Variants in TPD52 observed in about 807,000 individuals in gnomAD.
TPD52 encodes the protein prostate and colon associated protein.
A neutral mutation model predicts 31.3 loss-of-function variants in TPD52; 17 were observed. The observed-to-expected ratio is 0.54, with a 90% confidence interval of 0.37 to 0.82. The LOEUF is 0.82. TPD52 is among the 40% of genes least tolerant of loss of function. The pLI is 0.00. For synonymous variants in TPD52, 83 were observed against 89.6 expected (o/e 0.93, Z 0.42); for missense variants, 212 against 240.1 (o/e 0.88, Z 0.77).
At position 80,127,876 on chromosome 8, in the gene TPD52, A is replaced by C. The variant is rs532298020; in HGVS notation, c.19+43549T>G. ...AAAAAATATAAAGGTAAATACTAAA[A>C]CATTATAGTGGTTCTCTCTCAAAAA... On this transcript the variant is annotated intron_variant, in intron 1 of 7. Transcript: ENST00000518937. 2.6e-5 allele frequency among the ~76,000 whole-genome samples: 4 copies of C among 151,820 alleles called. No homozygotes were observed. The South Asian group carries it at 8.3e-4, about 32-fold the overall frequency.
intron 1 of TPD52, among the ~76,000 whole-genome samples, chr8:80,140,950 CG>C (rs1006749497): frequency 1.4e-5 from 2 of 143,676 alleles, no homozygotes; most frequent in African/African-American, 5.2e-5. Context: ...CAATACAACT[CG>C]TGTGTGTGTG....
intron 7 of TPD52, among the ~76,000 whole-genome samples, chr8:80,039,746 G>A (rs573662377): frequency 6.6e-6 from 1 of 151,742 alleles, no homozygotes; most frequent in Non-Finnish European, 1.5e-5. Flanking sequence ...GTTCTTGGTG[G>A]TCCTCAAAAG....
chr8:80,065,221 A>G (rs1812985551), intron 1 of TPD52, among the ~76,000 whole-genome samples: 1 of 151,464 alleles, frequency 6.6e-6, no homozygotes, highest in South Asian at 2.1e-4. Context: ...TCCTGGCTTC[A>G]AGCCATCATA....
At chr8:80,068,718 A>T (rs530431543) in intron 1 of TPD52, among the ~76,000 whole-genome samples, 3 of 152,272 alleles carry the variant, frequency 2.0e-5, no homozygotes, top group African/African-American at 7.2e-5. Flanking sequence ...TCTGGAGTCC[A>T]CTGGCAGGGC....
intron 1 of TPD52, among the ~76,000 whole-genome samples, chr8:80,161,156 T>C (rs552214108): frequency 6.6e-6 from 1 of 152,338 alleles, no homozygotes; most frequent in East Asian, 1.9e-4. Context: ...TTGAGCACTA[T>C]ATCCAATATC....
chr8:80,071,951 A>G (rs1813850251), intron 1 of TPD52, among the ~76,000 whole-genome samples: 1 of 152,092 alleles, frequency 6.6e-6, no homozygotes, highest in Non-Finnish European at 1.5e-5. Flanking sequence ...TGCCCTCACC[A>G]GCACAACACT....
chr8:80,072,876 G>A (rs2130771347), intron 1 of TPD52, among the ~76,000 whole-genome samples: 1 of 151,836 alleles, frequency 6.6e-6, no homozygotes, highest in Middle Eastern at 3.4e-3. Flanking sequence ...GCCGAGGCAG[G>A]TGGATCACTT....
intron 1 of TPD52, among the ~76,000 whole-genome samples, chr8:80,139,443 T>G (rs1809669094): frequency 6.6e-6 from 1 of 152,192 alleles, no homozygotes; most frequent in Admixed American, 6.5e-5. Context: ...AGTTTCAGAC[T>G]TGCAAACTTT....
At chr8:80,068,723 C>T (rs1294979967) in intron 1 of TPD52, among the ~76,000 whole-genome samples, 1 of 152,136 alleles carries the variant, frequency 6.6e-6, no homozygotes, top group Non-Finnish European at 1.5e-5. Context: ...AGTCCACTGG[C>T]AGGGCAATGC....
chr8:80,051,002 GAA>G (rs201164661), intron 4 of TPD52, among the ~76,000 whole-genome samples: 7 of 119,368 alleles, frequency 5.9e-5, no homozygotes, highest in East Asian at 2.4e-4. Context: ...TAATCTAAAT[GAA>G]AAAAAAAAAA....
At chr8:80,056,947 T>C (rs1253400293) in intron 2 of TPD52, among the ~76,000 whole-genome samples, 1 of 152,106 alleles carries the variant, frequency 6.6e-6, no homozygotes, top group Admixed American at 6.6e-5. Flanking sequence ...GGTGGACAGA[T>C]CACTTGAGGT....
intron 1 of TPD52, among the ~76,000 whole-genome samples, chr8:80,140,158 G>C (rs1041438928): frequency 1.3e-5 from 2 of 152,186 alleles, no homozygotes; most frequent in African/African-American, 4.8e-5. Context: ...TGGTGAGAAC[G>C]TGAGACCTCA....
intron 1 of TPD52, among the ~76,000 whole-genome samples, chr8:80,087,870 C>A (rs1815941794): frequency 6.6e-6 from 1 of 152,130 alleles, no homozygotes; most frequent in Non-Finnish European, 1.5e-5. Context: ...CGACACTGTG[C>A]CACAATAAAC....
intron 7 of TPD52, among the ~76,000 whole-genome samples, chr8:80,038,832 A>G (rs771800136): frequency 1.3e-5 from 2 of 152,200 alleles, no homozygotes; most frequent in African/African-American, 2.4e-5. Context: ...AAAATCCCTG[A>G]GTTGTTCATG....
chr8:80,160,892 A>AAAAAAAAAC (rs1811312633), intron 1 of TPD52, among the ~76,000 whole-genome samples: 1 of 50,788 alleles, frequency 2.0e-5, no homozygotes, highest in Non-Finnish European at 4.1e-5. Context: ...AAAAATACAA[A>AAAAAAAAAC]AAAAAAAAAA....
intron 1 of TPD52, among the ~76,000 whole-genome samples, chr8:80,107,041 C>T (rs944649097): frequency 4.0e-5 from 6 of 151,836 alleles, no homozygotes; most frequent in East Asian, 1.9e-4. Flanking sequence ...TTAGTAGATA[C>T]GGGGTTTCAC....
At chr8:80,094,299 T>C (rs898380624) in intron 1 of TPD52, among the ~76,000 whole-genome samples, 1 of 151,308 alleles carries the variant, frequency 6.6e-6, no homozygotes, top group African/African-American at 2.4e-5. Flanking sequence ...TCTTACTTAA[T>C]ATGGCCAGGA....
At chr8:80,133,954 G>A (rs553021913) in intron 1 of TPD52, among the ~76,000 whole-genome samples, 136 of 152,200 alleles carry the variant, frequency 8.9e-4, no homozygotes, top group Non-Finnish European at 1.6e-3. Context: ...TAGAAGTCAC[G>A]GTTGAAATTC....
chr8:80,043,690 C>A (rs1371731388), intron 6 of TPD52, among the ~76,000 whole-genome samples: 2 of 152,196 alleles, frequency 1.3e-5, no homozygotes, highest in African/African-American at 4.8e-5. Context: ...GTTAAAAATC[C>A]TCTAACTCTC....
Sources: gnomAD v4.1 joint callset for allele counts (sites outside exome capture counted in the v4.1 genomes callset) on GRCh38, gnomAD v4.1.1 for gene constraint, MANE v1.5 for transcripts, NCBI Gene and HGNC (gene_info 2026-07-23, HGNC 2026-07-21) for gene names.